Variants in LRP6 observed in about 807,000 individuals in gnomAD.
LRP6 encodes the protein LDL receptor related protein 6, also known as low-density lipoprotein receptor-related protein 6.
A neutral mutation model predicts 184.1 loss-of-function variants in LRP6; 43 were observed. That is an observed-to-expected ratio of 0.23 (90% CI 0.18 to 0.30). LRP6 has a LOEUF of 0.30. LRP6 is among the 10% of genes least tolerant of loss of function. The pLI is 1.00. For missense variants in LRP6, 1,571 were observed against 2,005.3 expected, an observed-to-expected ratio of 0.78 and a Z score of 4.14; for synonymous variants, 719 against 684.9, an observed-to-expected ratio of 1.05 and a Z score of -0.78.
intron 2 of LRP6, among the ~76,000 whole-genome samples, chr12:12,208,195 A>G (rs1280371444): frequency 6.6e-6 from 1 of 152,262 alleles, no homozygotes; most frequent in Non-Finnish European, 1.5e-5. Flanking sequence ...TGATCCCATT[A>G]TATGAAGCTA....
At chr12:12,177,017 T>C (rs1013965760) in intron 7 of LRP6, among the ~76,000 whole-genome samples, 1 of 151,862 alleles carries the variant, frequency 6.6e-6, no homozygotes, top group Non-Finnish European at 1.5e-5. Flanking sequence ...CCAGCTAATT[T>C]TTGTATTTTT....
chr12:12,167,591 C>T (rs1160816040), intron 7 of LRP6, among the ~76,000 whole-genome samples: 4 of 150,846 alleles, frequency 2.7e-5, no homozygotes, highest in African/African-American at 9.8e-5. Flanking sequence ...TGCAGTGTGC[C>T]GAGATCGCGC....
chr12:12,159,062 C>T lies in LRP6; in HGVS notation c.2558G>A (p.Arg853His), dbSNP rs572509429. Residue 853 changes from arginine to histidine, a missense_variant, in exon 12 of 23, where the codon CGC (arginine) becomes CAC (histidine). Physicochemically the swap from Arg to His is conservative, Grantham distance 29. Around this residue, in one of 4 missense-constraint regions of LRP6, gnomAD observed 158 missense variants for 258.4 expected, o/e 0.61. Transcript: ENST00000261349. ...GGTTTTGTTGGCACGCTCAATGCTG[C>T]GTCGGCTCCAGTCCGTCCAGTAGAT... Reference protein sequence around the residue: ...DYIYWTDWSRRSIERANKTSG... With the variant: ...DYIYWTDWSRHSIERANKTSG... 8 of 1,614,100 alleles carry T rather than the reference C, an allele frequency of 5.0e-6. No homozygotes were observed. The highest frequency in any genetic ancestry group is 2.2e-5 in the South Asian group (2 of 91,074).
At chr12:12,226,460 T>C (rs1403700383) in intron 2 of LRP6, among the ~76,000 whole-genome samples, 4 of 152,128 alleles carry the variant, frequency 2.6e-5, no homozygotes, top group Non-Finnish European at 5.9e-5. Context: ...CATGGAAGAA[T>C]AGACTGATAA....
Position 12,205,329 on chromosome 12 carries a change from C to CAAAA in LRP6, c.450-1933_450-1930dup, listed in dbSNP as rs56169717. On this transcript the variant is annotated intron_variant, in intron 2 of 22. Coordinates refer to ENST00000261349, the MANE Select transcript of LRP6 (RefSeq NM_002336.3). ...AGAATAAGACTCTGTCTCAAACAAACAAAAAAAAAAAAAAAAAAAAAAAAA... is the reference window on the plus strand; with the variant it reads ...AGAATAAGACTCTGTCTCAAACAAACAAAAAAAAAAAAAAAAAAAAAAAAAAAAA... 2.6e-3 allele frequency among the ~76,000 whole-genome samples: 102 copies of CAAAA among 39,098 alleles called. 2 individuals carry two copies. The highest frequency in any genetic ancestry group is 0.025 in the Middle Eastern group (1 of 40). 25.6% of individuals were successfully genotyped at this position (39,098 alleles called of 152,430 possible).
At chr12:12,135,054 C>T (rs2136874905) in intron 17 of LRP6, 121 bp downstream of exon 17, 2 of 1,381,752 alleles carry the variant, frequency 1.4e-6, no homozygotes, top group Non-Finnish European at 2.0e-6. Flanking sequence ...ATGAATGGAA[C>T]ACACGCAACC....
intron 15 of LRP6, 144 bp from the exon 16 acceptor site, chr12:12,138,678 T>A: frequency 7.6e-7 from 1 of 1,321,596 alleles, no homozygotes; most frequent in Non-Finnish European, 1.0e-6. Context: ...TTAAAAATCA[T>A]GGTAAGACAT....
chr12:12,188,440 TATC>T (rs1271990819), intron 3 of LRP6, among the ~76,000 whole-genome samples: 1 of 152,090 alleles, frequency 6.6e-6, no homozygotes, highest in East Asian at 1.9e-4. Flanking sequence ...AAATTAAAAG[TATC>T]ATATATTTTA....
intron 13 of LRP6, 59 bp downstream of exon 13, chr12:12,150,777 G>T: frequency 1.9e-6 from 3 of 1,552,038 alleles, no homozygotes; most frequent in South Asian, 1.1e-5. Context: ...GAAACAGAGT[G>T]GTTGGTGAGT....
chr12:12,149,629 T>G (rs1323531535), intron 13 of LRP6, among the ~76,000 whole-genome samples: 1 of 152,234 alleles, frequency 6.6e-6, no homozygotes, highest in East Asian at 1.9e-4. Context: ...CCAGGGATGC[T>G]GTTAAACATC....
At chr12:12,225,458 T>G (rs564968426) in intron 2 of LRP6, among the ~76,000 whole-genome samples, 1 of 152,000 alleles carries the variant, frequency 6.6e-6, no homozygotes, top group African/African-American at 2.4e-5. Flanking sequence ...AGCACCCGAG[T>G]AGGAAAACCT....
chr12:12,184,912 G>A (rs970968689), intron 4 of LRP6, among the ~76,000 whole-genome samples: 2 of 152,060 alleles, frequency 1.3e-5, no homozygotes, highest in East Asian at 1.9e-4. Context: ...GAGACCAATG[G>A]AACATGAAAG....
At chr12:12,195,306 T>C (rs1863723478) in intron 3 of LRP6, among the ~76,000 whole-genome samples, 1 of 152,124 alleles carries the variant, frequency 6.6e-6, no homozygotes, top group South Asian at 2.1e-4. Context: ...TACTAGTTTA[T>C]ACTCCCACCA....
rs1192787754 is a variant in LRP6 at position 12,164,335 on chromosome 12, C to T, written c.1990G>A (p.Ala664Thr). The change falls in exon 9 of 23, where the codon GCT becomes ACT. Residue 664 changes from alanine to threonine, a missense_variant. Physicochemically the swap from Ala to Thr is moderately conservative, Grantham distance 58 (BLOSUM62 0). Transcript: ENST00000261349. Reference protein sequence around the residue: ...VAIPLTGVKEASALDFDVTDN... With the variant: ...VAIPLTGVKETSALDFDVTDN... ...GTCACATCAAAATCCAAAGCAGAAG[C>T]TTCTTTGACACCAGTGAGTGGAATA... The T allele has an allele frequency of 1.2e-6, 2 of 1,613,990 alleles. No homozygotes were observed. The highest frequency in any genetic ancestry group is 1.3e-5 in the African/African-American group (1 of 74,900).
intron 6 of LRP6, among the ~76,000 whole-genome samples, chr12:12,180,615 G>T (rs1863319802): frequency 6.6e-6 from 1 of 152,040 alleles, no homozygotes; most frequent in Non-Finnish European, 1.5e-5. Flanking sequence ...AAAGCTGCAT[G>T]GGCTGGCAAA....
chr12:12,153,823 G>A (rs966046256), intron 12 of LRP6, among the ~76,000 whole-genome samples: 4 of 152,100 alleles, frequency 2.6e-5, no homozygotes, highest in African/African-American at 4.8e-5. Context: ...TGAGATGTAC[G>A]TAGGAGGGAG....
chr12:12,244,690 G>C (rs1232177847), intron 1 of LRP6, 35 bp from the exon 2 acceptor site: 1 of 1,606,138 alleles, frequency 6.2e-7, no homozygotes, highest in Non-Finnish European at 8.5e-7. Context: ...TAAGTGAAAA[G>C]GAAGAAAACG....
intron 14 of LRP6, among the ~76,000 whole-genome samples, chr12:12,148,321 AAAG>A (rs552352256): frequency 4.1e-4 from 62 of 152,226 alleles, no homozygotes; most frequent in African/African-American, 1.4e-3. Flanking sequence ...TAATAACTAA[AAAG>A]AAGTTACATA....
chr12:12,143,958 TTAAG>T (rs1249895601), intron 15 of LRP6, among the ~76,000 whole-genome samples: 4 of 152,206 alleles, frequency 2.6e-5, no homozygotes, highest in African/African-American at 4.8e-5. Context: ...GTTGTACGCA[TTAAG>T]TAATTTCTCA....
Sources: allele counts gnomAD v4.1 joint callset (sites outside exome capture counted in the v4.1 genomes callset), GRCh38; gene constraint gnomAD v4.1.1; regional missense constraint gnomAD v4.1.1; transcripts MANE v1.5; gene names NCBI Gene and HGNC (gene_info 2026-07-23, HGNC 2026-07-21).